Variants in PCID2 observed in about 807,000 individuals in gnomAD.
PCID2 encodes the protein PCI domain containing 2.
A neutral mutation model predicts 61.3 loss-of-function variants in PCID2; 41 were observed. The ratio of observed to expected loss-of-function variants is 0.67; its 90% confidence interval spans 0.52 to 0.87. The LOEUF (loss-of-function observed/expected upper bound fraction) is 0.87, where lower values mean the gene tolerates loss of function less well. Ranked by LOEUF, PCID2 falls within the 40% of genes least tolerant of loss-of-function variation. PCID2 has a pLI of 0.00. For synonymous variants in PCID2, 187 were observed against 177.8 expected, an observed-to-expected ratio of 1.05 and a Z score of -0.41; for missense variants, 392 against 493.4, an observed-to-expected ratio of 0.79 and a Z score of 1.95.
the PCID2 span, among the ~76,000 whole-genome samples, chr13:113,167,893 GT>G: frequency 6.6e-6 from 1 of 152,040 alleles, no homozygotes; most frequent in Non-Finnish European, 1.5e-5. Flanking sequence ...ACTATATATT[GT>G]TATGATTCTG....
At chr13:113,174,784 T>C (rs2037163431), downstream of PCID2, among the ~76,000 whole-genome samples, 1 of 152,218 alleles carries the variant, frequency 6.6e-6, no homozygotes, top group African/African-American at 2.4e-5. Context: ...ACGTCCAGCC[T>C]GTGATGATGT....
intron 7 of PCID2, among the ~76,000 whole-genome samples, chr13:113,189,639 G>A (rs1400805042): frequency 3.4e-5 from 5 of 148,720 alleles, no homozygotes; most frequent in African/African-American, 1.2e-4. Flanking sequence ...GGAAAGTTGA[G>A]AATTTAAAAA....
chr13:113,171,568 G>A, the PCID2 span: 6 of 1,613,752 alleles, frequency 3.7e-6, no homozygotes, highest in Admixed American at 1.7e-5. This position sits in a 1 kb window ranked among gnomAD's most constrained non-coding sequence, Gnocchi z 5.1. Flanking sequence ...AGACTGTAAA[G>A]AACTGACGAT....
At chr13:113,175,149 C>T (rs1056762564), downstream of PCID2, among the ~76,000 whole-genome samples, 1 of 152,166 alleles carries the variant, frequency 6.6e-6, no homozygotes, top group African/African-American at 2.4e-5. Flanking sequence ...ACTGTGAGTC[C>T]ATTAAACCTC....
Position 113,190,868 on chromosome 13 carries a change from T to C in PCID2, c.467+4A>G. On this transcript the variant is annotated splice_donor_region_variant and intron_variant, in intron 7 of 13. Coordinates refer to ENST00000337344, the MANE Select transcript of PCID2 (RefSeq NM_001127202.4). ...TGGTGGTCGGTCCTCAAGTCCTTAC[T>C]CACGTGTCGCTGGCACAGACCCGGA... The C allele has an allele frequency of 6.3e-7, 1 of 1,595,628 alleles. No individual in the cohort carries two copies. The highest frequency in any genetic ancestry group is 8.6e-7 in the Non-Finnish European group (1 of 1,165,160).
chr13:113,176,445 A>G (rs370692471), downstream of PCID2, among the ~76,000 whole-genome samples: 2 of 3,596 alleles, frequency 5.6e-4, 1 homozygote, highest in Non-Finnish European at 0.077. Flanking sequence ...GTGAGGTCCT[A>G]ACCCAACAGA....
intron 1 of PCID2, among the ~76,000 whole-genome samples, chr13:113,207,845 C>T (rs1199475037): frequency 6.6e-6 from 1 of 152,212 alleles, no homozygotes; most frequent in Non-Finnish European, 1.5e-5. Flanking sequence ...CCTCAGCCCA[C>T]CCATTCTTAT....
At chr13:113,188,059 G>A (rs749316238) in intron 7 of PCID2, 1 of 152,252 alleles carries the variant, frequency 6.6e-6, no homozygotes, top group Non-Finnish European at 1.5e-5. Flanking sequence ...CCATCAAATC[G>A]TTTGGTAAAC....
chr13:113,165,687 C>T, the PCID2 span, among the ~76,000 whole-genome samples: 4 of 152,282 alleles, frequency 2.6e-5, no homozygotes, highest in East Asian at 5.8e-4. Flanking sequence ...TGTGCCACCA[C>T]GCCCGGCTGA....
chr13:113,174,110 C>T (rs1000184070), downstream of PCID2, among the ~76,000 whole-genome samples: 1 of 151,750 alleles, frequency 6.6e-6, no homozygotes, highest in Non-Finnish European at 1.5e-5. Context: ...TGGTGGCTCA[C>T]GCCTGTAATC....
At chr13:113,200,831 C>T (rs1197821241) in intron 1 of PCID2, among the ~76,000 whole-genome samples, 2 of 151,602 alleles carry the variant, frequency 1.3e-5, no homozygotes, top group African/African-American at 2.4e-5. Context: ...GCCTGTAATC[C>T]CAGCACTTTG....
rs978976165 is a variant in PCID2, at chr13:113,178,166, C to T, written c.*32G>A. On this transcript the variant is annotated 3_prime_UTR_variant, in exon 14 of 14. Coordinates refer to ENST00000337344, the MANE Select transcript of PCID2 (RefSeq NM_001127202.4). ...GCACAACCAAAGTGGAAAGAAACAACTGCTCACCCGTCCTCGGGGCTCCGT... is the reference window on the plus strand; with the variant it reads ...GCACAACCAAAGTGGAAAGAAACAATTGCTCACCCGTCCTCGGGGCTCCGT... The T allele has an allele frequency of 1.3e-6, 2 of 1,540,594 alleles. No homozygotes were observed. Among genetic ancestry groups the T allele is most frequent in the South Asian group, 1.1e-5 (1 of 89,488 alleles).
the PCID2 span, chr13:113,171,474 C>T: frequency 6.6e-5 from 84 of 1,274,498 alleles, no homozygotes; most frequent in Non-Finnish European, 8.9e-5. This position sits in a 1 kb window ranked among gnomAD's most constrained non-coding sequence, Gnocchi z 5.1. Context: ...GGGCGGTGAG[C>T]CTGCGGGTCC....
downstream of PCID2, among the ~76,000 whole-genome samples, chr13:113,176,171 G>C (rs2037182017): frequency 6.6e-6 from 1 of 152,262 alleles, no homozygotes; most frequent in Non-Finnish European, 1.5e-5. Flanking sequence ...GAGAGAGAAA[G>C]AGGGATTCAC....
chr13:113,204,315 T>C (rs2039643112), intron 1 of PCID2, among the ~76,000 whole-genome samples: 1 of 152,224 alleles, frequency 6.6e-6, no homozygotes, highest in African/African-American at 2.4e-5. Context: ...TATGAGTGAC[T>C]GAAAGCTGAG....
chr13:113,178,791 G>A (rs559456284), intron 13 of PCID2, among the ~76,000 whole-genome samples, 175 bp downstream of exon 13: 2 of 152,082 alleles, frequency 1.3e-5, no homozygotes, highest in South Asian at 2.1e-4. Context: ...AAGAGTATCC[G>A]TCCCCTCATG....
chr13:113,208,083 C>T (rs2040056975), intron 1 of PCID2: 1 of 1,612,740 alleles, frequency 6.2e-7, no homozygotes, highest in Non-Finnish European at 8.5e-7. Context: ...GTGCATTGTG[C>T]TCGGAGAGTG....
chr13:113,196,624 C>T (rs995594225), intron 4 of PCID2, among the ~76,000 whole-genome samples: 1 of 152,180 alleles, frequency 6.6e-6, no homozygotes, highest in East Asian at 1.9e-4. Context: ...GAGCAAATAG[C>T]CCAACTCTCT....
intron 10 of PCID2, 35 bp from the exon 11 acceptor site, chr13:113,180,266 ATT>A: frequency 6.7e-7 from 1 of 1,487,606 alleles, no homozygotes; most frequent in Non-Finnish European, 9.4e-7. Context: ...AAATGCTTTC[ATT>A]TTTGACAAAA....
Sources: gnomAD v4.1 joint callset for allele counts (sites outside exome capture counted in the v4.1 genomes callset) on GRCh38, gnomAD v4.1.1 for gene constraint, Gnocchi (gnomAD v3.1) non-coding constraint, MANE v1.5 for transcripts, NCBI Gene and HGNC (gene_info 2026-07-23, HGNC 2026-07-21) for gene names.